C12orf76: variants seen among roughly 807,000 people sequenced by gnomAD.
C12orf76 encodes the protein uncharacterized protein C12orf76.
C12orf76 carries 6 observed loss-of-function variants against 6.8 expected under a neutral mutation model. That is an observed-to-expected ratio of 0.88 (90% CI 0.48 to 1.73). C12orf76 has a LOEUF of 1.73. Ranked by LOEUF, C12orf76 falls within the 40% of genes most tolerant of loss-of-function variation. The pLI, the probability that C12orf76 is intolerant of heterozygous loss-of-function variation, is 0.01. For synonymous variants in C12orf76, 56 were observed against 43.7 expected, an observed-to-expected ratio of 1.28 and a Z score of -1.11; for missense variants, 99 against 98.2, an observed-to-expected ratio of 1.01 and a Z score of -0.03.
rs1260662907 is a variant in C12orf76 at position 110,042,209 on chromosome 12, A to C, written c.*165T>G. ...ATTTGCGCTACAGTGTTAGGAAAAA[A>C]TAATGTCTAGTACATGTTTTCTTCT... is the stretch of plus-strand genomic sequence containing the variant. On this transcript the variant is annotated 3_prime_UTR_variant, in exon 2 of 2. Coordinates refer to ENST00000615315, the MANE Select transcript of C12orf76 (RefSeq NM_001389625.1). 1 of 611,280 alleles carries C rather than the reference A, an allele frequency of 1.6e-6. No homozygotes were observed. The highest frequency in any genetic ancestry group is 2.8e-5 in the East Asian group (1 of 36,234). The allele number at this position is 611,280 out of a possible 1,614,324, so 37.9% of individuals were successfully genotyped here.
At chr12:110,053,155 G>A (rs1463010564), upstream of C12orf76, among the ~76,000 whole-genome samples, 1 of 145,584 alleles carries the variant, frequency 6.9e-6, no homozygotes, top group Non-Finnish European at 1.5e-5. Context: ...TCGTGCCACT[G>A]TACTCCAGCC....
chr12:110,052,864 A>G (rs1162335492), upstream of C12orf76, among the ~76,000 whole-genome samples: 2 of 152,166 alleles, frequency 1.3e-5, no homozygotes, highest in Non-Finnish European at 2.9e-5. Flanking sequence ...CCTGGAGACT[A>G]TGATTTCGTG....
chr12:110,064,273 T>G (rs1259896238), intron 2 of C12orf76, among the ~76,000 whole-genome samples: 1 of 152,212 alleles, frequency 6.6e-6, no homozygotes, highest in Non-Finnish European at 1.5e-5. Flanking sequence ...CTGGGGCATA[T>G]TTTTGGAAAG....
chr12:110,073,324 C>A, intron 1 of C12orf76: 1 of 463,110 alleles, frequency 2.2e-6, no homozygotes, highest in Non-Finnish European at 4.3e-6. Flanking sequence ...ATTTGAAAAC[C>A]ATGTGAGATT....
upstream of C12orf76, chr12:110,048,717 A>C: frequency 3.3e-6 from 4 of 1,199,488 alleles, no homozygotes; most frequent in Non-Finnish European, 3.1e-6. Context: ...GTTCAGATCA[A>C]CTTTCCGTCT....
chr12:110,069,298 G>A (rs944001602), upstream of C12orf76, among the ~76,000 whole-genome samples: 3 of 152,152 alleles, frequency 2.0e-5, no homozygotes, highest in African/African-American at 7.2e-5. Context: ...AAATTAGCGG[G>A]ACATGGTGGC....
chr12:110,070,186 C>T (rs148526428), upstream of C12orf76, among the ~76,000 whole-genome samples: 12,207 of 148,634 alleles, frequency 0.082, 506 homozygotes, highest in African/African-American at 0.097. Flanking sequence ...TGCAGTGAGC[C>T]AAGATCATGC....
At chr12:110,070,136 G>A (rs184667968), upstream of C12orf76, among the ~76,000 whole-genome samples, 17 of 151,722 alleles carry the variant, frequency 1.1e-4, no homozygotes, top group Non-Finnish European at 2.5e-4. Flanking sequence ...TACTCAGGAG[G>A]TTGAGGTGGG....
At chr12:110,055,189 C>T (rs1297147964) in intron 4 of C12orf76, among the ~76,000 whole-genome samples, 1 of 151,406 alleles carries the variant, frequency 6.6e-6, no homozygotes, top group African/African-American at 2.4e-5. Flanking sequence ...AGATTTGAGG[C>T]CTAATCAGCA....
At chr12:110,058,447 T>C (rs1892712253) in intron 3 of C12orf76, among the ~76,000 whole-genome samples, 3 of 152,174 alleles carry the variant, frequency 2.0e-5, no homozygotes, top group African/African-American at 7.2e-5. Context: ...GCAGATCACT[T>C]GAGGCCAGGA....
chr12:110,043,471 A>T (rs1327639589), intron 1 of C12orf76, among the ~76,000 whole-genome samples: 1 of 152,164 alleles, frequency 6.6e-6, no homozygotes, highest in Non-Finnish European at 1.5e-5. Context: ...TAAAGCCATT[A>T]ATAAAAACCT....
At chr12:110,068,318 A>G (rs1055973099), upstream of C12orf76, among the ~76,000 whole-genome samples, 10 of 142,588 alleles carry the variant, frequency 7.0e-5, no homozygotes, top group Non-Finnish European at 9.5e-5. Flanking sequence ...AAGAAGAAGA[A>G]GAAGAAGAAG....
At chr12:110,056,011 T>C (rs1442031476) in intron 4 of C12orf76, among the ~76,000 whole-genome samples, 3 of 150,806 alleles carry the variant, frequency 2.0e-5, no homozygotes, top group Non-Finnish European at 4.4e-5. Context: ...AGGTAGAGAT[T>C]GCAGTGAGCT....
At chr12:110,047,778 T>C (rs944226656) in intron 1 of C12orf76, among the ~76,000 whole-genome samples, 4 of 152,180 alleles carry the variant, frequency 2.6e-5, no homozygotes, top group African/African-American at 9.7e-5. Context: ...GCACAAGACA[T>C]GGGATGTAGG....
At chr12:110,053,464 A>C (rs1324191987), upstream of C12orf76, among the ~76,000 whole-genome samples, 2 of 152,150 alleles carry the variant, frequency 1.3e-5, no homozygotes, top group Admixed American at 1.3e-4. Context: ...GCACCACTGC[A>C]CTCCAATCTG....
intron 1 of C12orf76, 105 bp from the exon 2 acceptor site, chr12:110,042,564 G>A (rs983037380): frequency 4.0e-6 from 3 of 752,186 alleles, no homozygotes; most frequent in East Asian, 2.6e-5. Context: ...CAGGCACTAT[G>A]TCAAGTGCTG....
At chr12:110,072,786 G>C (rs2137244714) in intron 1 of C12orf76, among the ~76,000 whole-genome samples, 1 of 152,010 alleles carries the variant, frequency 6.6e-6, no homozygotes, top group Admixed American at 6.6e-5. Flanking sequence ...AGCTGGGCTT[G>C]GTGGCAGGCA....
At chr12:110,064,934 C>T (rs1892833431) in intron 2 of C12orf76, among the ~76,000 whole-genome samples, 1 of 152,134 alleles carries the variant, frequency 6.6e-6, no homozygotes, top group African/African-American at 2.4e-5. Flanking sequence ...AAACCAGATA[C>T]CAAGGCAGCT....
exon 2 of C12orf76, chr12:110,065,987 T>A (rs1374992203): frequency 1.9e-6 from 3 of 1,612,198 alleles, no homozygotes; most frequent in Non-Finnish European, 2.5e-6. Flanking sequence ...CCTCCAGAAC[T>A]GGGTCATCTC....
Sources: allele counts gnomAD v4.1 joint callset (sites outside exome capture counted in the v4.1 genomes callset), GRCh38; gene constraint gnomAD v4.1.1; transcripts MANE v1.5; gene names NCBI Gene and HGNC (gene_info 2026-07-23, HGNC 2026-07-21).